The following SPINK4 variants were observed in gnomAD, a reference collection of about 807,000 sequenced individuals.
SPINK4 encodes the protein serine peptidase inhibitor Kazal type 4.
SPINK4 carries 10 observed loss-of-function variants against 12.3 expected under a neutral mutation model. The ratio of observed to expected loss-of-function variants is 0.81; its 90% CI spans 0.50 to 1.37. SPINK4 has a LOEUF of 1.37. Ranked by LOEUF, SPINK4 falls within the 40% of genes most tolerant of loss-of-function variation. The pLI is 0.00. For synonymous variants in SPINK4, 37 were observed against 40.2 expected, an observed-to-expected ratio of 0.92 and a Z score of 0.30; for missense variants, 91 against 109.0, an observed-to-expected ratio of 0.84 and a Z score of 0.73.
chr9:33,240,364 T>A, intron 1 of SPINK4, 95 bp downstream of exon 1: 1 of 1,133,420 alleles, frequency 8.8e-7, no homozygotes, highest in Non-Finnish European at 1.2e-6. Flanking sequence ...CTGTGAGGCC[T>A]CAGCTTTTTC....
chr9:33,247,234 T>C (rs922222656), intron 3 of SPINK4, among the ~76,000 whole-genome samples: 15 of 150,134 alleles, frequency 1.0e-4, no homozygotes, highest in African/African-American at 3.7e-4. Flanking sequence ...TCTTGGCTCA[T>C]TGCAACCTCC....
chr9:33,247,122 G>A (rs907092393), intron 3 of SPINK4, among the ~76,000 whole-genome samples: 4 of 152,028 alleles, frequency 2.6e-5, no homozygotes, highest in African/African-American at 9.7e-5. Context: ...TGGTGTAAGG[G>A]GGAAGCCAGG....
intron 1 of SPINK4, among the ~76,000 whole-genome samples, chr9:33,242,043 C>T (rs1444797157): frequency 6.6e-6 from 1 of 152,130 alleles, no homozygotes; most frequent in Non-Finnish European, 1.5e-5. Context: ...CCACACCCAA[C>T]TAATTTTTGT....
intron 3 of SPINK4, chr9:33,247,798 A>C (rs1374043803): frequency 3.3e-5 from 5 of 152,736 alleles, no homozygotes; most frequent in African/African-American, 1.2e-4. Flanking sequence ...GAAGTGAAGA[A>C]AGTCCTCGGA....
At chr9:33,241,200 G>A (rs773730969) in intron 1 of SPINK4, among the ~76,000 whole-genome samples, 2 of 152,178 alleles carry the variant, frequency 1.3e-5, no homozygotes, top group Non-Finnish European at 1.5e-5. Flanking sequence ...CTGAGGTACT[G>A]TAAGACCAGT....
intron 1 of SPINK4, among the ~76,000 whole-genome samples, chr9:33,244,609 G>T (rs969475589): frequency 1.3e-5 from 2 of 152,132 alleles, no homozygotes; most frequent in African/African-American, 4.8e-5. Context: ...ATTCTCTGAG[G>T]GTAATTCCTA....
At chr9:33,247,082 C>T (rs1435689831) in intron 3 of SPINK4, among the ~76,000 whole-genome samples, 3 of 152,004 alleles carry the variant, frequency 2.0e-5, no homozygotes, top group Non-Finnish European at 2.9e-5. Context: ...CTAAGTTAGA[C>T]AGCATCACTG....
chr9:33,244,789 C>T (rs706112), intron 1 of SPINK4, among the ~76,000 whole-genome samples: 54,504 of 152,074 alleles, frequency 0.36, 12,619 homozygotes, highest in African/African-American at 0.66. Context: ...ATCATGTGTT[C>T]TCAATGCCCG....
At chr9:33,243,323 T>C (rs62546679) in intron 1 of SPINK4, among the ~76,000 whole-genome samples, 1 of 152,112 alleles carries the variant, frequency 6.6e-6, no homozygotes, top group African/African-American at 2.4e-5. Context: ...TCCACCTGCC[T>C]CAGCTTCCCA....
rs1356117574 is a variant in SPINK4, at chr9:33,240,213, C to T, written c.5C>T (p.Ala2Val). The change falls in exon 1 of 4, where the codon GCC (alanine) becomes GTC (valine). Residue 2 changes from alanine to valine, a missense_variant. Transcript: ENST00000379721. M[A>V]VRQWVIALAL... ...CTACACTATCCCAGGATCAGCATGG[C>T]CGTCCGCCAGTGGGTAATCGCCCTG... The T allele has an allele frequency of 2.5e-6, 4 of 1,605,156 alleles. No individual in the cohort carries two copies. Among genetic ancestry groups the T allele is most frequent in the East Asian group, 4.5e-5 (2 of 43,984 alleles).
intron 1 of SPINK4, 46 bp downstream of exon 1, chr9:33,240,315 T>C: frequency 6.5e-7 from 1 of 1,548,400 alleles, no homozygotes; most frequent in Non-Finnish European, 8.7e-7. Flanking sequence ...TGTTGGTAGG[T>C]GAGCTTGGGG....
chr9:33,248,453 G>A lies in SPINK4; in HGVS notation c.243G>A (p.Met81Ile). 1 of 1,614,110 alleles carries A rather than the reference G, an allele frequency of 6.2e-7. No homozygotes were observed. Among genetic ancestry groups the A allele is most frequent in the Non-Finnish European group, 8.5e-7 (1 of 1,180,022 alleles). Reference sequence around the variant, plus strand: ...AAACCAAACAGGACATCCAGATCATGAAAGATGGCAAATGCTGATCCCACA... The same window carrying A: ...AAACCAAACAGGACATCCAGATCATAAAAGATGGCAAATGCTGATCCCACA... ...RIKTKQDIQIMKDGKC is the reference protein window; with the variant it reads ...RIKTKQDIQIIKDGKC Residue 81 changes from methionine (M) to isoleucine (I), a missense_variant, in exon 4 of 4, where the codon ATG becomes ATA. Coordinates refer to ENST00000379721, the MANE Select transcript of SPINK4 (RefSeq NM_014471.3).
At chr9:33,248,332 T>C (rs1392473346) in intron 3 of SPINK4, 94 bp from the exon 4 acceptor site, 3 of 1,353,656 alleles carry the variant, frequency 2.2e-6, no homozygotes, top group Admixed American at 1.8e-5. Flanking sequence ...TGGGCGACGC[T>C]CAGCAGGATG....
intron 1 of SPINK4, among the ~76,000 whole-genome samples, 198 bp downstream of exon 1, chr9:33,240,467 G>A (rs878869426): frequency 6.6e-6 from 1 of 152,204 alleles, no homozygotes; most frequent in Non-Finnish European, 1.5e-5. Context: ...CCTGACTGGC[G>A]CAGAATTACC....
At chr9:33,247,349 G>A (rs1239808216) in intron 3 of SPINK4, among the ~76,000 whole-genome samples, 1 of 148,612 alleles carries the variant, frequency 6.7e-6, no homozygotes, top group Non-Finnish European at 1.5e-5. Flanking sequence ...TGTATTTTAA[G>A]TAGACATGGG....
At chr9:33,244,974 T>A in intron 1 of SPINK4, 138 bp from the exon 2 acceptor site, 1 of 727,780 alleles carries the variant, frequency 1.4e-6, no homozygotes. Context: ...CATTGTCTGG[T>A]GGCTCATCAC....
chr9:33,247,458 G>A (rs936361029), intron 3 of SPINK4, among the ~76,000 whole-genome samples: 2 of 151,918 alleles, frequency 1.3e-5, no homozygotes, highest in Non-Finnish European at 2.9e-5. Context: ...ATGAGCCACC[G>A]TGCCCGGCCT....
In SPINK4 at chr9:33,240,251, C is replaced by G. The variant is rs575711264; in HGVS notation, c.43C>G (p.Leu15Val). 1.2e-6 allele frequency: 2 copies of G among 1,605,382 alleles called. No homozygotes were observed. Among genetic ancestry groups the G allele is most frequent in the Non-Finnish European group, 1.7e-6 (2 of 1,176,156 alleles). Residue 15 changes from leucine (L) to valine (V), a missense_variant, in exon 1 of 4, where the codon CTC becomes GTC. Leu to Val is a conservative substitution (Grantham distance 32, BLOSUM62 1). Coordinates refer to ENST00000379721, the MANE Select transcript of SPINK4 (RefSeq NM_014471.3). The part of the protein sequence containing the change: ...QWVIALALAA[L>V]LVVDREVPVA... ...GGTAATCGCCCTGGCCTTGGCTGCC[C>G]TCCTTGTTGTGGACAGGGGTGAGTG...
At chr9:33,244,966 T>C (rs1820271612) in intron 1 of SPINK4, 146 bp from the exon 2 acceptor site, 4 of 678,740 alleles carry the variant, frequency 5.9e-6, no homozygotes, top group South Asian at 4.2e-5. Context: ...GGCAGCCCCA[T>C]TGTCTGGTGG....
Sources: allele counts gnomAD v4.1 joint callset (sites outside exome capture counted in the v4.1 genomes callset), GRCh38; gene constraint gnomAD v4.1.1; transcripts MANE v1.5; gene names NCBI Gene and HGNC (gene_info 2026-07-23, HGNC 2026-07-21).